Variants in RNF8 observed in about 807,000 individuals in gnomAD.
RNF8 encodes E3 ubiquitin-protein ligase RNF8.
Under a neutral mutation model 59.3 loss-of-function variants are expected in RNF8, and 8 were observed. That is an observed-to-expected ratio of 0.13 (90% CI 0.08 to 0.24). RNF8 has a LOEUF of 0.24. Among genes scored for constraint, RNF8 ranks in the 10% least tolerant of loss-of-function variants. The probability of loss-of-function intolerance (pLI) is 1.00; values close to 1 mark genes in which losing one functional copy is unlikely to be tolerated. For missense variants in RNF8, 406 were observed against 572.6 expected (o/e 0.71, Z 2.97); for synonymous variants, 162 against 200.0 (o/e 0.81, Z 1.60).
intron 7 of RNF8, among the ~76,000 whole-genome samples, chr6:37,384,797 G>A: frequency 6.6e-6 from 1 of 152,196 alleles, no homozygotes; most frequent in East Asian, 1.9e-4. Flanking sequence ...AGTGGCAGCA[G>A]TAATCCTCTC....
intron 1 of RNF8, chr6:37,359,159 GAAT>G (rs1388297991): frequency 4.5e-6 from 2 of 439,996 alleles, no homozygotes; most frequent in East Asian, 1.4e-4. Flanking sequence ...GAACTCAGAA[GAAT>G]TTCATTTCCT....
At position 37,360,354 on chromosome 6, in the gene RNF8, C is replaced by T. The variant is rs1023504226; in HGVS notation, c.112-92C>T. ...GGTGTCTGGTTTCTTAAGTCAGGAC[C>T]TGCATATGCTGCTGGTTGATGAGAT... On this transcript the variant is annotated intron_variant, in intron 1 of 7. Transcript: ENST00000373479. This position sits in a 1 kb window ranked among gnomAD's most constrained non-coding sequence, Gnocchi z 4.2. The T allele has an allele frequency of 2.0e-5, 30 of 1,487,914 alleles. No homozygotes were observed. Among genetic ancestry groups the T allele is most frequent in the Non-Finnish European group, 2.7e-5 (29 of 1,072,594 alleles). 92.2% of individuals were successfully genotyped at this position (1,487,914 alleles called of 1,614,324 possible).
chr6:37,378,200 A>C (rs530707413), intron 6 of RNF8, among the ~76,000 whole-genome samples: 77 of 152,342 alleles, frequency 5.1e-4, no homozygotes, highest in African/African-American at 1.8e-3. Flanking sequence ...AGGCTGAGGC[A>C]GGAGAATCAC....
In RNF8 at chr6:37,361,202, A is replaced by G. The variant is rs1581665364; in HGVS notation, c.240+628A>G. Reference sequence around the variant, plus strand: ...CCTAATGTGCTGGGTGTGGTGGCACATGCCTGTAGTCCCAACTACTGGAGA... The same window carrying G: ...CCTAATGTGCTGGGTGTGGTGGCACGTGCCTGTAGTCCCAACTACTGGAGA... On this transcript the variant is annotated intron_variant, in intron 2 of 7. Coordinates refer to ENST00000373479, the MANE Select transcript of RNF8 (RefSeq NM_003958.4). 6.6e-6 allele frequency: 3 copies of G among 454,274 alleles called. No individual in the cohort carries two copies. In the East Asian group the frequency reaches 2.1e-4, roughly 32 times the overall value. The allele number at this position is 454,274 out of a possible 1,614,324, so 28.1% of individuals were successfully genotyped here.
At chr6:37,367,877 C>T (rs1356649604) in intron 2 of RNF8, among the ~76,000 whole-genome samples, 2 of 152,188 alleles carry the variant, frequency 1.3e-5, no homozygotes, top group Admixed American at 6.5e-5. Flanking sequence ...GCTATGCAGA[C>T]TATGAACCCA....
chr6:37,380,731 G>A (rs933841088), intron 6 of RNF8, among the ~76,000 whole-genome samples: 2 of 151,568 alleles, frequency 1.3e-5, no homozygotes, highest in African/African-American at 2.4e-5. Flanking sequence ...CACCCTGGCC[G>A]GAGTGCAGTG....
Position 37,394,182 on chromosome 6 carries a change from A to G in RNF8, c.*3424A>G, listed in dbSNP as rs1475795021. 2 of 152,196 alleles carry G rather than the reference A, an allele frequency of 1.3e-5. No individual in the cohort carries two copies. The highest frequency in any genetic ancestry group is 2.9e-5 in the Non-Finnish European group (2 of 68,036). 9.4% of individuals were successfully genotyped at this position (152,196 alleles called of 1,614,324 possible). A position where few individuals can be genotyped will look rare whatever the true frequency, so the allele number is the denominator to read the frequency against. ...TTATCTGTCTCTTGCTCTGAGATACAGACTTGTTCATAGGTGTGGGGCCTG... is the reference window on the plus strand; with the variant it reads ...TTATCTGTCTCTTGCTCTGAGATACGGACTTGTTCATAGGTGTGGGGCCTG... On this transcript the variant is annotated 3_prime_UTR_variant, in exon 8 of 8. Transcript: ENST00000373479.
intron 5 of RNF8, among the ~76,000 whole-genome samples, chr6:37,375,425 G>A (rs1769975529): frequency 6.6e-6 from 1 of 152,214 alleles, no homozygotes; most frequent in Admixed American, 6.5e-5. Flanking sequence ...GTTTTAATAT[G>A]AAGGCCAAAC....
At chr6:37,387,894 T>G (rs974963157) in intron 7 of RNF8, among the ~76,000 whole-genome samples, 1 of 152,178 alleles carries the variant, frequency 6.6e-6, no homozygotes, top group Non-Finnish European at 1.5e-5. Context: ...TTTTAGGGGC[T>G]GAGAGAAGTA....
intron 4 of RNF8, among the ~76,000 whole-genome samples, chr6:37,373,185 C>G (rs181681072): frequency 1.2e-3 from 182 of 152,280 alleles, no homozygotes; most frequent in African/African-American, 4.1e-3. Flanking sequence ...ACTACCACAT[C>G]TTTTTAAACC....
At chr6:37,380,625 C>T (rs1373918310) in intron 6 of RNF8, among the ~76,000 whole-genome samples, 7 of 149,394 alleles carry the variant, frequency 4.7e-5, no homozygotes, top group African/African-American at 1.5e-4. Flanking sequence ...GAGCCGAGAT[C>T]GCGCCACTGC....
chr6:37,356,050 T>C (rs182359839), intron 1 of RNF8, among the ~76,000 whole-genome samples: 1 of 152,348 alleles, frequency 6.6e-6, no homozygotes, highest in East Asian at 1.9e-4. Flanking sequence ...TTGTCAGTAC[T>C]GCAGTCTTGG....
At chr6:37,361,505 C>T (rs75369729) in intron 2 of RNF8, 4,161 of 364,638 alleles carry the variant, frequency 0.011, 37 homozygotes, top group Non-Finnish European at 0.017. Context: ...AAGAAGATAC[C>T]TAAAGTGCAG....
chr6:37,365,014 C>T (rs751551733), intron 2 of RNF8, among the ~76,000 whole-genome samples: 3 of 152,158 alleles, frequency 2.0e-5, no homozygotes, highest in Non-Finnish European at 4.4e-5. Flanking sequence ...GCTGATCCAC[C>T]TGCCTCGGCT....
chr6:37,374,629 C>G lies in RNF8; in HGVS notation c.1048C>G (p.Leu350Val). The G allele has an allele frequency of 6.2e-7, 1 of 1,613,844 alleles. No homozygotes were observed. Among genetic ancestry groups the G allele is most frequent in the Non-Finnish European group, 8.5e-7 (1 of 1,179,792 alleles). Residue 350 changes from leucine to valine, a missense_variant, in exon 5 of 8, where the codon CTA becomes GTA. Leu to Val is a conservative substitution (Grantham distance 32, BLOSUM62 1). Transcript: ENST00000373479. Reference sequence around the variant, plus strand: ...TGCTATGTTTTTGCAGCATTGGGCTCTAATGGAAGAGCTAAATCGCAGCAA... The same window carrying G: ...TGCTATGTTTTTGCAGCATTGGGCTGTAATGGAAGAGCTAAATCGCAGCAA... ...LAQALQEHWA[L>V]MEELNRSKKD...
chr6:37,356,884 A>G (rs975022140), intron 1 of RNF8, among the ~76,000 whole-genome samples: 1 of 152,126 alleles, frequency 6.6e-6, no homozygotes, highest in Non-Finnish European at 1.5e-5. Flanking sequence ...GATTACAGAT[A>G]TGCACCACTA....
intron 4 of RNF8, among the ~76,000 whole-genome samples, chr6:37,374,278 A>G (rs1323128312): frequency 6.6e-6 from 1 of 152,202 alleles, no homozygotes; most frequent in Non-Finnish European, 1.5e-5. Flanking sequence ...AAAAAAAGAA[A>G]AAAAGAAAAG....
chr6:37,364,251 A>G (rs561681377), intron 2 of RNF8, among the ~76,000 whole-genome samples: 1 of 148,764 alleles, frequency 6.7e-6, no homozygotes, highest in African/African-American at 2.6e-5. Context: ...GATGCCATTT[A>G]TACAATGTTT....
rs1296123352 is a variant in RNF8, at chr6:37,390,706, T to A, written c.1442-36T>A. ...GAGTCCACGGAAGGGAAATACAGGC[T>A]CCTCATTTATTTATTTCTCTTCTTT... On this transcript the variant is annotated intron_variant, in intron 7 of 7. Transcript: ENST00000373479. The A allele has an allele frequency of 2.7e-6, 4 of 1,507,362 alleles. No homozygotes were observed. In the Admixed American group the frequency reaches 6.7e-5, roughly 25 times the overall value. The allele number at this position is 1,507,362 out of a possible 1,614,324, so 93.4% of individuals were successfully genotyped here. A position where few individuals can be genotyped will look rare whatever the true frequency, so the allele number is the denominator to read the frequency against.
Sources: allele counts gnomAD v4.1 joint callset (sites outside exome capture counted in the v4.1 genomes callset), GRCh38; gene constraint gnomAD v4.1.1; non-coding constraint Gnocchi (gnomAD v3.1); transcripts MANE v1.5; gene names NCBI Gene and HGNC (gene_info 2026-07-23, HGNC 2026-07-21).